AP5M1: variants seen among roughly 807,000 people sequenced by gnomAD.
The protein encoded by AP5M1 is adaptor related protein complex 5 subunit mu 1, also known as AP-5 complex subunit mu-1.
In AP5M1, 44 loss-of-function variants were observed where a neutral mutation model predicts 52.3. The ratio of observed to expected loss-of-function variants is 0.84; its 90% CI spans 0.66 to 1.08. The LOEUF (loss-of-function observed/expected upper bound fraction) is 1.08, where lower values mean the gene tolerates loss of function less well. AP5M1 is among the 50% of genes least tolerant of loss of function. The pLI, the probability that AP5M1 is intolerant of heterozygous loss-of-function variation, is 0.00. For missense variants in AP5M1, 526 were observed against 568.4 expected (o/e 0.93, Z 0.76); for synonymous variants, 213 against 199.0 (o/e 1.07, Z -0.59).
chr14:57,283,246 C>G lies in AP5M1; in HGVS notation c.1293+16C>G, dbSNP rs913468343. 3 of 1,395,864 alleles carry G rather than the reference C, an allele frequency of 2.1e-6. No homozygotes were observed. In the South Asian group the frequency reaches 3.6e-5, roughly 17 times the overall value. The allele number at this position is 1,395,864 out of a possible 1,614,324, so 86.5% of individuals were successfully genotyped here. A position where few individuals can be genotyped will look rare whatever the true frequency, so the allele number is the denominator to read the frequency against. On this transcript the variant is annotated intron_variant, in intron 6 of 7. Transcript: ENST00000261558. The stretch of plus-strand genomic sequence containing the variant: ...ATATTTAAAGGTAAACATATTTATA[C>G]AGCTCACTACAGTAGCACCCTTCCT...
In AP5M1 at chr14:57,289,892, A is replaced by G. The variant is rs1274897034; in HGVS notation, c.*1008A>G. 6.6e-6 allele frequency: 1 copy of G among 151,948 alleles called. No individual in the cohort carries two copies. The highest frequency in any genetic ancestry group is 1.5e-5 in the Non-Finnish European group (1 of 67,934). 9.4% of individuals were successfully genotyped at this position (151,948 alleles called of 1,614,324 possible). A position where few individuals can be genotyped will look rare whatever the true frequency, so the allele number is the denominator to read the frequency against. On this transcript the variant is annotated 3_prime_UTR_variant, in exon 8 of 8. Coordinates refer to ENST00000261558, the MANE Select transcript of AP5M1 (RefSeq NM_018229.4). ...TTTCTTCAGAAACCATCTAGTCATCATCTTTATACTCTACCTGCTTCTGCA... is the reference window on the plus strand; with the variant it reads ...TTTCTTCAGAAACCATCTAGTCATCGTCTTTATACTCTACCTGCTTCTGCA...
chr14:57,280,415 C>T lies in AP5M1; in HGVS notation c.941C>T (p.Thr314Ile). 6.2e-7 allele frequency: 1 copy of T among 1,603,382 alleles called. No homozygotes were observed. The highest frequency in any genetic ancestry group is 8.5e-7 in the Non-Finnish European group (1 of 1,170,194). The part of the protein sequence containing the change: ...PLESFNLCFY[T>I]SQVPVPPILG... ...GAGTCATTCAACTTATGCTTCTACA[C>T]TTCCCAGGTAACAACCCTAGAATAG... The change falls in exon 3 of 8, where the codon ACT (threonine) becomes ATT (isoleucine). Residue 314 changes from threonine (T) to isoleucine (I), a missense_variant. Coordinates refer to ENST00000261558, the MANE Select transcript of AP5M1 (RefSeq NM_018229.4).
rs1271255828 is a variant in AP5M1, at chr14:57,295,862, T to G, written c.*6978T>G. On this transcript the variant is annotated 3_prime_UTR_variant, in exon 8 of 8. Transcript: ENST00000261558. ...AATAATCAAAAAATGAAAACAATTG[T>G]GAAATTACTGAAATGAGTATGTAAT... The G allele has an allele frequency of 6.6e-6, 1 of 151,960 alleles. No homozygotes were observed. Among genetic ancestry groups the G allele is most frequent in the African/African-American group, 2.4e-5 (1 of 41,402 alleles). The allele number at this position is 151,960 out of a possible 1,614,324, so 9.4% of individuals were successfully genotyped here.
In AP5M1 at chr14:57,289,035, A is replaced by G; in HGVS notation, c.*151A>G. 1 of 478,066 alleles carries G rather than the reference A, an allele frequency of 2.1e-6. No homozygotes were observed. 29.6% of individuals were successfully genotyped at this position (478,066 alleles called of 1,614,324 possible). ...AGTCTTATGTGGTGTTTGTAGTCTG[A>G]TAGAGCTTGAAAGGACATTTTAAAA... On this transcript the variant is annotated 3_prime_UTR_variant, in exon 8 of 8. Coordinates refer to ENST00000261558, the MANE Select transcript of AP5M1 (RefSeq NM_018229.4).
At chr14:57,271,813 G>A (rs1035623331) in intron 1 of AP5M1, among the ~76,000 whole-genome samples, 4 of 152,214 alleles carry the variant, frequency 2.6e-5, no homozygotes, top group African/African-American at 9.6e-5. Flanking sequence ...CCCATATGTA[G>A]TCCATCTTTG....
At position 57,293,313 on chromosome 14, in the gene AP5M1, C is replaced by T. The variant is rs1234332432; in HGVS notation, c.*4429C>T. ...TTTTGATTAATGATTTAGTTATATA[C>T]AGCATTTTAATGCTTAGTAATTACT... is the stretch of plus-strand genomic sequence containing the variant. On this transcript the variant is annotated 3_prime_UTR_variant, in exon 8 of 8. Transcript: ENST00000261558. 6.6e-6 allele frequency: 1 copy of T among 151,648 alleles called. No individual in the cohort carries two copies. The highest frequency in any genetic ancestry group is 1.5e-5 in the Non-Finnish European group (1 of 67,794). 9.4% of individuals were successfully genotyped at this position (151,648 alleles called of 1,614,324 possible).
In AP5M1 at chr14:57,291,759, A is replaced by G. The variant is rs1885440355; in HGVS notation, c.*2875A>G. The G allele has an allele frequency of 6.6e-6, 1 of 151,820 alleles. No individual in the cohort carries two copies. The highest frequency in any genetic ancestry group is 6.6e-5 in the Admixed American group (1 of 15,202). The allele number at this position is 151,820 out of a possible 1,614,324, so 9.4% of individuals were successfully genotyped here. On this transcript the variant is annotated 3_prime_UTR_variant, in exon 8 of 8. Transcript: ENST00000261558. ...AAGATCTTTCAAGGCAGACATTTATACTTGGTAACAATTGCCAATTTTTTT... is the reference window on the plus strand; with the variant it reads ...AAGATCTTTCAAGGCAGACATTTATGCTTGGTAACAATTGCCAATTTTTTT...
chr14:57,285,472 A>G (rs150837611), intron 6 of AP5M1, among the ~76,000 whole-genome samples: 3 of 152,302 alleles, frequency 2.0e-5, no homozygotes, highest in African/African-American at 7.2e-5. Context: ...AACTTCCAGC[A>G]TTAAGAATTA....
At chr14:57,270,556 G>A (rs1001858574) in intron 1 of AP5M1, among the ~76,000 whole-genome samples, 1 of 152,208 alleles carries the variant, frequency 6.6e-6, no homozygotes, top group African/African-American at 2.4e-5. Context: ...CAGAGTTGGA[G>A]TTTACCATTT....
At position 57,274,878 on chromosome 14, in the gene AP5M1, G is replaced by T; in HGVS notation, c.709G>T (p.Val237Leu). 1.2e-6 allele frequency: 2 copies of T among 1,614,168 alleles called. No homozygotes were observed. Among genetic ancestry groups the T allele is most frequent in the Non-Finnish European group, 1.7e-6 (2 of 1,180,006 alleles). ...AGATACATGGCAAGTTGTTGGAACA[G>T]TGACTTGCAAGGTGAGATTTTTCTC... ...IADTWQVVGT[V>L]TCKCDLEGIM... The change falls in exon 2 of 8, where the codon GTG becomes TTG. Residue 237 changes from valine to leucine, a missense_variant. Coordinates refer to ENST00000261558, the MANE Select transcript of AP5M1 (RefSeq NM_018229.4).
At chr14:57,288,078 G>A (rs1885350064) in intron 7 of AP5M1, among the ~76,000 whole-genome samples, 1 of 151,874 alleles carries the variant, frequency 6.6e-6, no homozygotes, top group African/African-American at 2.4e-5. Flanking sequence ...AAACTTTGAA[G>A]AGAACAAAAA....
At position 57,290,103 on chromosome 14, in the gene AP5M1, G is replaced by C. The variant is rs372526809; in HGVS notation, c.*1219G>C. 1 of 151,834 alleles carries C rather than the reference G, an allele frequency of 6.6e-6. No homozygotes were observed. Among genetic ancestry groups the C allele is most frequent in the Admixed American group, 6.6e-5 (1 of 15,216 alleles). The allele number at this position is 151,834 out of a possible 1,614,324, so 9.4% of individuals were successfully genotyped here. On this transcript the variant is annotated 3_prime_UTR_variant, in exon 8 of 8. Coordinates refer to ENST00000261558, the MANE Select transcript of AP5M1 (RefSeq NM_018229.4). ...TATCTTGGGTTCTGTTTTTTAATGA[G>C]TGTTCTAAGGAAAAGCTTAGAAAAG...
chr14:57,283,838 CA>C (rs1885243621), intron 6 of AP5M1, among the ~76,000 whole-genome samples: 1 of 152,032 alleles, frequency 6.6e-6, no homozygotes, highest in South Asian at 2.1e-4. Flanking sequence ...ATAGAAAAAT[CA>C]GCTGGGCATG....
At chr14:57,284,893 A>G (rs1885271540) in intron 6 of AP5M1, among the ~76,000 whole-genome samples, 1 of 152,200 alleles carries the variant, frequency 6.6e-6, no homozygotes, top group African/African-American at 2.4e-5. Context: ...CAATAGCAAT[A>G]TAGCCCATTG....
At chr14:57,281,050 AC>A (rs972891247) in intron 3 of AP5M1, among the ~76,000 whole-genome samples, 2 of 152,102 alleles carry the variant, frequency 1.3e-5, no homozygotes, top group African/African-American at 4.8e-5. Flanking sequence ...ATCGCAGGCA[AC>A]CTGAATTACA....
At position 57,293,825 on chromosome 14, in the gene AP5M1, G is replaced by A. The variant is rs991942827; in HGVS notation, c.*4941G>A. Reference sequence around the variant, plus strand: ...TCCCTGTGAAACATGTCAGTATCATGTAAGATGAAGAATATTTTAAGGGCA... The same window carrying A: ...TCCCTGTGAAACATGTCAGTATCATATAAGATGAAGAATATTTTAAGGGCA... On this transcript the variant is annotated 3_prime_UTR_variant, in exon 8 of 8. Coordinates refer to ENST00000261558, the MANE Select transcript of AP5M1 (RefSeq NM_018229.4). The A allele has an allele frequency of 6.6e-6, 1 of 151,576 alleles. No homozygotes were observed. Among genetic ancestry groups the A allele is most frequent in the Non-Finnish European group, 1.5e-5 (1 of 67,714 alleles). The allele number at this position is 151,576 out of a possible 1,614,324, so 9.4% of individuals were successfully genotyped here.
intron 2 of AP5M1, among the ~76,000 whole-genome samples, chr14:57,279,888 G>C (rs1885130753): frequency 6.6e-6 from 1 of 152,130 alleles, no homozygotes; most frequent in Non-Finnish European, 1.5e-5. Context: ...TATTTAGAAG[G>C]CTGTGGCAGA....
intron 6 of AP5M1, among the ~76,000 whole-genome samples, chr14:57,284,076 T>C (rs1388080782): frequency 6.6e-6 from 1 of 152,198 alleles, no homozygotes; most frequent in Non-Finnish European, 1.5e-5. Context: ...ATCAACAATT[T>C]ATCAGTGCTA....
chr14:57,286,236 T>C lies in AP5M1; in HGVS notation c.1307T>C (p.Ile436Thr). The change falls in exon 7 of 8, where the codon ATC becomes ACC. Residue 436 changes from isoleucine to threonine, a missense_variant. By Grantham distance (89) the Ile-to-Thr change is moderately conservative. Transcript: ENST00000261558. Reference sequence around the variant, plus strand: ...TCTTCTTTCTAGCTTCATTTTAGGATCTTAGATTACACACTTACTGGATGT... The same window carrying C: ...TCTTCTTTCTAGCTTCATTTTAGGACCTTAGATTACACACTTACTGGATGT... ...ETAYLKLHFR[I>T]LDYTLTGCYA... is the part of the protein sequence containing the mutation. The C allele has an allele frequency of 6.2e-7, 1 of 1,607,830 alleles. No homozygotes were observed.
Sources: allele counts gnomAD v4.1 joint callset (sites outside exome capture counted in the v4.1 genomes callset), GRCh38; gene constraint gnomAD v4.1.1; transcripts MANE v1.5; gene names NCBI Gene and HGNC (gene_info 2026-07-23, HGNC 2026-07-21).